PRAMEF5: variants seen among roughly 807,000 people sequenced by gnomAD.
PRAMEF5 encodes the protein PRAME family member 23.
Under a neutral mutation model 16.4 loss-of-function variants are expected in PRAMEF5, and 5 were observed. The observed-to-expected ratio is 0.30, with a 90% CI of 0.16 to 0.64. The LOEUF is 0.64. Among genes scored for constraint, PRAMEF5 ranks in the 30% least tolerant of loss-of-function variants. The pLI is 0.80. For synonymous variants in PRAMEF5, 19 were observed against 107.3 expected, an observed-to-expected ratio of 0.18 and a Z score of 5.09; for missense variants, 36 against 282.9, an observed-to-expected ratio of 0.13 and a Z score of 6.26.
chr1:13,263,272 T>TTC, exon 4 of PRAMEF5: 1 of 1,223,514 alleles, frequency 8.2e-7, no homozygotes, highest in Non-Finnish European at 1.2e-6. Flanking sequence ...GGGCAGGACT[T>TTC]GGGGGAAGTG....
At chr1:13,260,039 A>G in intron 2 of PRAMEF5, 183 bp from the exon 3 acceptor site, 1 of 851,368 alleles carries the variant, frequency 1.2e-6, no homozygotes, top group Non-Finnish European at 1.8e-6. Flanking sequence ...ACAGAGGGAG[A>G]CGTGGTCTCA....
chr1:13,262,425 A>C lies in PRAMEF5; in HGVS notation c.870-125A>C, dbSNP rs1416456376. 11 of 502,814 alleles carry C rather than the reference A, an allele frequency of 2.2e-5. 5 individuals carry two copies. The Admixed American group carries it at 2.6e-4, about 12-fold the overall frequency. The allele number at this position is 502,814 out of a possible 1,614,324, so 31.1% of individuals were successfully genotyped here. On this transcript the variant is annotated intron_variant, in intron 3 of 3. Coordinates refer to ENST00000622421, the Ensembl canonical transcript of PRAMEF5. ...CACATCATCCTAAATGTTGACCATC[A>C]GGCCATCAGAATGACCCTGGACTTG...
chr1:13,256,300 TG>T lies in PRAMEF5; in HGVS notation c.-23+2028del, dbSNP rs1162872148. 369 of 141,136 alleles carry T rather than the reference TG, an allele frequency of 2.6e-3. 4 individuals carry two copies. The highest frequency in any genetic ancestry group is 8.6e-3 in the African/African-American group (352 of 40,892). 8.7% of individuals were successfully genotyped at this position (141,136 alleles called of 1,614,324 possible). ...GTAGCAGCGGATATGTGCAGGGGCG[TG>T]GGTGGGAGTTGTGATTAGAAAGGTC... is the stretch of plus-strand genomic sequence containing the variant. On this transcript the variant is annotated intron_variant, in intron 1 of 3. Transcript: ENST00000622421.
Position 13,258,617 on chromosome 1 carries a change from GGAGAGAGAGAAA to G in PRAMEF5, c.-22-618_-22-607del, listed in dbSNP as rs1387837407. On this transcript the variant is annotated intron_variant, in intron 1 of 3. Coordinates refer to ENST00000622421, the Ensembl canonical transcript of PRAMEF5. ...GACCCTGTCAGAAAGAGTGAGAGAG[GGAGAGAGAGAAA>G]GAGAGAGAGAATGAGAGAAGGGATG... 3.0e-3 allele frequency: 494 copies of G among 162,294 alleles called. 1 individual carries two copies. Among genetic ancestry groups the G allele is most frequent in the African/African-American group, 0.011 (469 of 40,808 alleles). 10.1% of individuals were successfully genotyped at this position (162,294 alleles called of 1,614,324 possible). A position where few individuals can be genotyped will look rare whatever the true frequency, so the allele number is the denominator to read the frequency against.
At chr1:13,258,823 C>CA (rs1462756263) in intron 1 of PRAMEF5, 1 of 92,888 alleles carries the variant, frequency 1.1e-5, no homozygotes, top group Non-Finnish European at 2.5e-5. Context: ...CAAATAGAAC[C>CA]TGTTCTAGGG....
At chr1:13,263,334 A>G, downstream of PRAMEF5, 1 of 605,320 alleles carries the variant, frequency 1.7e-6, no homozygotes, top group South Asian at 2.0e-5. Flanking sequence ...AGAGTGGAAA[A>G]TGGGAATTTG....
chr1:13,255,776 CTTTTTTTTTTTTTTTTTT>C (rs1174990976), intron 1 of PRAMEF5: 2 of 21,668 alleles, frequency 9.2e-5, no homozygotes, highest in Non-Finnish European at 2.3e-4. Flanking sequence ...TTTTCTTTTT[CTTTTTTTTTTTTTTTTTT>C]TTTTTTTTTT....
intron 3 of PRAMEF5, chr1:13,261,227 A>C: frequency 4.8e-3 from 6 of 1,250 alleles, no homozygotes; most frequent in Admixed American, 0.011. Context: ...TGGGTAACAT[A>C]CCAAGACCCC....
At chr1:13,258,711 GGA>G (rs1419500689) in intron 1 of PRAMEF5, 5 of 92,336 alleles carry the variant, frequency 5.4e-5, no homozygotes, top group Non-Finnish European at 1.0e-4. Flanking sequence ...AAAGAAAGAG[GGA>G]GAGAGAGGAG....
chr1:13,262,714 T>C, exon 4 of PRAMEF5: 2 of 499,942 alleles, frequency 4.0e-6, no homozygotes, highest in Non-Finnish European at 6.0e-6. Flanking sequence ...CAAATTCTCC[T>C]AGAAAAAGTT....
Position 13,262,832 on chromosome 1 carries a change from C to T in PRAMEF5, c.1152C>T (p.Ser384=), listed in dbSNP as rs1183549317. Reference sequence around the variant, plus strand: ...GCTGCTTTGAGCTCAACACCTTCAGCTTCTGTGGAAATCCCATCTCCATGG... The same window carrying T: ...GCTGCTTTGAGCTCAACACCTTCAGTTTCTGTGGAAATCCCATCTCCATGG... Residue 384 remains serine, a synonymous_variant, in exon 4 of 4, where the codon AGC becomes AGT. Transcript: ENST00000622421. 11 of 879,910 alleles carry T rather than the reference C, an allele frequency of 1.3e-5. 3 individuals are homozygous for T. In the East Asian group the frequency reaches 3.9e-4, roughly 31 times the overall value. The allele number at this position is 879,910 out of a possible 1,614,324, so 54.5% of individuals were successfully genotyped here.
At chr1:13,255,776 C>CT (rs1174990976) in intron 1 of PRAMEF5, 4 of 21,676 alleles carry the variant, frequency 1.8e-4, no homozygotes, top group Non-Finnish European at 2.3e-4. Context: ...TTTTCTTTTT[C>CT]TTTTTTTTTT....
rs1639374996 is a variant in PRAMEF5, at chr1:13,260,210, A to AT, written c.288-8dup. 6.4e-7 allele frequency: 1 copy of AT among 1,574,152 alleles called. No individual in the cohort carries two copies. The highest frequency in any genetic ancestry group is 8.7e-7 in the Non-Finnish European group (1 of 1,151,010). ...TTCTGAAATTCTCATTCTCACCTCTATTTTCCCACAGGAGGTGGAAACTTC... is the reference window on the plus strand; with the variant it reads ...TTCTGAAATTCTCATTCTCACCTCTATTTTTCCCACAGGAGGTGGAAACTTC... On this transcript the variant is annotated splice_polypyrimidine_tract_variant and intron_variant, in intron 2 of 3. Coordinates refer to ENST00000622421, the Ensembl canonical transcript of PRAMEF5.
chr1:13,263,424 AG>A (rs1639427408), downstream of PRAMEF5: 3 of 507,620 alleles, frequency 5.9e-6, 1 homozygote, highest in South Asian at 6.8e-5. Context: ...TCAGAAATAA[AG>A]GAAAACTGAG....
chr1:13,262,266 T>C, intron 3 of PRAMEF5: 1 of 116,928 alleles, frequency 8.6e-6, no homozygotes, highest in African/African-American at 4.1e-5. Context: ...TTTGCCATGT[T>C]CAGCAGGCTG....
intron 2 of PRAMEF5, 188 bp from the exon 3 acceptor site, chr1:13,260,034 G>T (rs78451439): frequency 3.6e-6 from 3 of 841,360 alleles, no homozygotes; most frequent in East Asian, 6.0e-5. Context: ...GGGCGACAGA[G>T]GGAGACGTGG....
In PRAMEF5 at chr1:13,258,492, T is replaced by A. The variant is rs1402946558; in HGVS notation, c.-22-755T>A. ...GGTGATGCATAACTGTGGTCCCAGCTACTTGGGAGGCTGAGGAGGAAGAAT... is the reference window on the plus strand; with the variant it reads ...GGTGATGCATAACTGTGGTCCCAGCAACTTGGGAGGCTGAGGAGGAAGAAT... On this transcript the variant is annotated intron_variant, in intron 1 of 3. Transcript: ENST00000622421. 4.1e-5 allele frequency: 6 copies of A among 147,332 alleles called. No homozygotes were observed. In the East Asian group the frequency reaches 6.4e-4, roughly 16 times the overall value. 9.1% of individuals were successfully genotyped at this position (147,332 alleles called of 1,614,324 possible). A position where few individuals can be genotyped will look rare whatever the true frequency, so the allele number is the denominator to read the frequency against.
intron 1 of PRAMEF5, 103 bp downstream of exon 1, chr1:13,254,378 CT>C (rs1276829692): frequency 1.9e-3 from 2 of 1,068 alleles, no homozygotes; most frequent in African/African-American, 3.0e-3. Context: ...ATATCCTGTC[CT>C]TTTTTTTTTC....
chr1:13,263,242 A>G (rs1639422166), exon 4 of PRAMEF5: 1 of 1,489,076 alleles, frequency 6.7e-7, no homozygotes, highest in Admixed American at 1.8e-5. Flanking sequence ...GAAAGTGGGA[A>G]AGGAAAGGTG....
Sources: allele counts gnomAD v4.1 joint callset, GRCh38; gene constraint gnomAD v4.1.1; transcripts MANE v1.5; gene names NCBI Gene and HGNC (gene_info 2026-07-23, HGNC 2026-07-21).